AOPEP: variants seen among roughly 807,000 people sequenced by gnomAD.
The protein encoded by AOPEP is aminopeptidase O (putative), also known as aminopeptidase O.
Under a neutral mutation model 98.1 loss-of-function variants are expected in AOPEP, and 77 were observed. The ratio of observed to expected loss-of-function variants is 0.78; its 90% CI spans 0.65 to 0.95. The LOEUF (loss-of-function observed/expected upper bound fraction) is 0.95. Among genes scored for constraint, AOPEP ranks in the 40% least tolerant of loss-of-function variants. AOPEP has a pLI of 0.00. For synonymous variants in AOPEP, 346 were observed against 365.3 expected (o/e 0.95, Z 0.60); for missense variants, 1,024 against 1,024.7 (o/e 1.00, Z 0.01).
chr9:94,917,628 C>T (rs1259789903), intron 5 of AOPEP, among the ~76,000 whole-genome samples: 4 of 152,176 alleles, frequency 2.6e-5, no homozygotes, highest in African/African-American at 9.7e-5. Context: ...GCCTTGGCAT[C>T]GTTGTTTGCT....
chr9:95,011,508 T>C (rs2062519680), intron 13 of AOPEP, among the ~76,000 whole-genome samples: 1 of 152,088 alleles, frequency 6.6e-6, no homozygotes, highest in African/African-American at 2.4e-5. Flanking sequence ...AGCTGATGTA[T>C]TTTTTTAAGA....
chr9:95,128,407 G>C, the AOPEP span, among the ~76,000 whole-genome samples: 2 of 152,238 alleles, frequency 1.3e-5, no homozygotes, highest in Admixed American at 1.3e-4. Flanking sequence ...TTGATAGAAA[G>C]TAAGATGAAA....
At chr9:94,986,065 CT>C (rs1426941249) in intron 11 of AOPEP, among the ~76,000 whole-genome samples, 1 of 152,224 alleles carries the variant, frequency 6.6e-6, no homozygotes, top group Non-Finnish European at 1.5e-5. Flanking sequence ...GTACCACAGA[CT>C]GGGTGGCTTA....
the AOPEP span, among the ~76,000 whole-genome samples, chr9:95,097,245 G>A: frequency 6.6e-6 from 1 of 152,256 alleles, no homozygotes; most frequent in African/African-American, 2.4e-5. Context: ...CTCTGGCATA[G>A]GCTAAAGTAT....
chr9:94,859,644 A>G (rs1340743731), intron 5 of AOPEP, among the ~76,000 whole-genome samples: 2 of 152,198 alleles, frequency 1.3e-5, no homozygotes, highest in Non-Finnish European at 2.9e-5. Flanking sequence ...GAATCAAGTA[A>G]GCATCAAGGC....
intron 1 of AOPEP, among the ~76,000 whole-genome samples, chr9:94,734,038 G>A (rs1395797110): frequency 1.3e-5 from 2 of 152,178 alleles, no homozygotes; most frequent in African/African-American, 4.8e-5. Flanking sequence ...TAAATATTGA[G>A]ATCTGAATGC....
chr9:94,934,048 A>G (rs1190954560), intron 7 of AOPEP, among the ~76,000 whole-genome samples: 1 of 151,956 alleles, frequency 6.6e-6, no homozygotes, highest in Non-Finnish European at 1.5e-5. Context: ...GCGCCCAGCC[A>G]TATACCATCT....
At chr9:94,916,048 T>C (rs1226977790) in intron 5 of AOPEP, among the ~76,000 whole-genome samples, 1 of 152,224 alleles carries the variant, frequency 6.6e-6, no homozygotes, top group African/African-American at 2.4e-5. Flanking sequence ...CGGGACAGAC[T>C]TGTGCTCGCT....
chr9:95,051,994 T>C (rs1265221576), intron 13 of AOPEP, among the ~76,000 whole-genome samples: 2 of 152,214 alleles, frequency 1.3e-5, no homozygotes, highest in Non-Finnish European at 2.9e-5. Context: ...TGAGCCACCG[T>C]GCCTGGCCTA....
chr9:95,088,290 A>G (rs1202465762), downstream of AOPEP, among the ~76,000 whole-genome samples: 2 of 150,670 alleles, frequency 1.3e-5, no homozygotes, highest in Non-Finnish European at 3.0e-5. Flanking sequence ...GTACACTGCA[A>G]CCTCCGCCTC....
chr9:94,933,990 C>T (rs557159768), intron 7 of AOPEP, among the ~76,000 whole-genome samples: 167 of 152,202 alleles, frequency 1.1e-3, no homozygotes, highest in African/African-American at 3.8e-3. Context: ...CCTTGTGATC[C>T]GCCTGCCTCG....
chr9:95,023,853 A>G (rs1019813994), intron 13 of AOPEP, among the ~76,000 whole-genome samples: 3 of 152,224 alleles, frequency 2.0e-5, no homozygotes, highest in African/African-American at 7.2e-5. Flanking sequence ...GCTATGAGTA[A>G]TGGGTTATGC....
intron 10 of AOPEP, among the ~76,000 whole-genome samples, chr9:94,974,195 G>A (rs2059699669): frequency 6.6e-6 from 1 of 152,182 alleles, no homozygotes; most frequent in African/African-American, 2.4e-5. Flanking sequence ...GCCACTCATA[G>A]TACCTTAAAA....
intron 11 of AOPEP, among the ~76,000 whole-genome samples, chr9:94,989,570 A>C (rs1401690078): frequency 6.7e-6 from 1 of 148,190 alleles, no homozygotes; most frequent in Non-Finnish European, 1.5e-5. Flanking sequence ...CTAAACCCTT[A>C]GAATCCTTCA....
chr9:95,112,126 C>A, the AOPEP span, among the ~76,000 whole-genome samples: 4 of 152,294 alleles, frequency 2.6e-5, no homozygotes, highest in Non-Finnish European at 4.4e-5. Flanking sequence ...TGCATCAATG[C>A]CAGAAAGTTG....
chr9:94,760,428 T>G lies in AOPEP; in HGVS notation c.645T>G (p.Cys215Trp), dbSNP rs1837982268. The G allele has an allele frequency of 6.2e-7, 1 of 1,613,980 alleles. No homozygotes were observed. The highest frequency in any genetic ancestry group is 2.2e-5 in the East Asian group (1 of 44,884). The change falls in exon 2 of 17, where the codon TGT becomes TGG. Residue 215 changes from cysteine to tryptophan, a missense_variant. Coordinates refer to ENST00000375315, the MANE Select transcript of AOPEP (RefSeq NM_001193329.3). ...CTCGCTGCAGCCAGGCTCCTGGCTG[T>G]GGGGAACTCCTCTTTGACACTGACA... ...YYARCSQAPG[C>W]GELLFDTDTW...
At chr9:94,786,249 C>T (rs1844403296) in intron 3 of AOPEP, among the ~76,000 whole-genome samples, 1 of 152,206 alleles carries the variant, frequency 6.6e-6, no homozygotes, top group Admixed American at 6.5e-5. Context: ...TTAATCCTCA[C>T]AGCAAGATAC....
chr9:95,045,890 A>G (rs1372561058), intron 13 of AOPEP, among the ~76,000 whole-genome samples: 3 of 152,060 alleles, frequency 2.0e-5, no homozygotes, highest in Non-Finnish European at 4.4e-5. Context: ...CGGAATGGAG[A>G]GTGGTGTTCG....
intron 5 of AOPEP, among the ~76,000 whole-genome samples, chr9:94,840,779 A>G (rs1042788576): frequency 1.3e-5 from 2 of 151,942 alleles, no homozygotes; most frequent in Non-Finnish European, 2.9e-5. Context: ...ATTTATCTGT[A>G]TAGAGTTGTT....
Sources: gnomAD v4.1 joint callset for allele counts (sites outside exome capture counted in the v4.1 genomes callset) on GRCh38, gnomAD v4.1.1 for gene constraint, MANE v1.5 for transcripts, NCBI Gene and HGNC (gene_info 2026-07-23, HGNC 2026-07-21) for gene names.